MYH8: variants seen among roughly 807,000 people sequenced by gnomAD.
The protein encoded by MYH8 is myosin-8.
MYH8 carries 168 observed loss-of-function variants against 233.2 expected under a neutral mutation model. That is an observed-to-expected ratio of 0.72 (90% CI 0.64 to 0.82). The LOEUF is 0.82. Ranked by LOEUF, MYH8 falls within the 40% of genes least tolerant of loss-of-function variation. MYH8 has a pLI of 0.00. For missense variants in MYH8, 1,995 were observed against 2,327.8 expected, an observed-to-expected ratio of 0.86 and a Z score of 2.94; for synonymous variants, 785 against 850.6, an observed-to-expected ratio of 0.92 and a Z score of 1.34.
chr17:10,396,361 C>T lies in MYH8; in HGVS notation c.4622G>A (p.Cys1541Tyr). The T allele has an allele frequency of 1.2e-6, 2 of 1,614,078 alleles. No individual in the cohort carries two copies. Among genetic ancestry groups the T allele is most frequent in the Non-Finnish European group, 1.7e-6 (2 of 1,180,008 alleles). The change falls in exon 33 of 40, where the codon TGT (cysteine) becomes TAT (tyrosine). Residue 1541 changes from cysteine (C) to tyrosine (Y), a missense_variant. Physicochemically the swap from Cys to Tyr is radical, Grantham distance 194. Coordinates refer to ENST00000403437, the MANE Select transcript of MYH8 (RefSeq NM_002472.3). This position sits in a 1 kb window ranked among gnomAD's most constrained non-coding sequence, Gnocchi z 4.2. ...KIKKQVEQEK[C>Y]EIQAALEEAE... ...TTCCTCTAAAGCAGCCTGAATTTCA[C>T]ATTTCTCTTGTTCTACTTGCTTCTT...
In MYH8 at chr17:10,392,444, G is replaced by T. The variant is rs550066646; in HGVS notation, c.5568+98C>A. ...CTCCTTACATGTACCAAGTTAATGCGTATTTGTTTGTGAGTGGCATATAAA... is the reference window on the plus strand; with the variant it reads ...CTCCTTACATGTACCAAGTTAATGCTTATTTGTTTGTGAGTGGCATATAAA... On this transcript the variant is annotated intron_variant, in intron 38 of 39. Transcript: ENST00000403437. The T allele has an allele frequency of 7.4e-6, 8 of 1,079,418 alleles. 1 individual carries two copies. The South Asian group carries it at 8.8e-5, about 12-fold the overall frequency. The allele number at this position is 1,079,418 out of a possible 1,614,324, so 66.9% of individuals were successfully genotyped here.
chr17:10,412,550 T>C, intron 13 of MYH8, 31 bp from the exon 14 acceptor site: 1 of 1,614,220 alleles, frequency 6.2e-7, no homozygotes, highest in Non-Finnish European at 8.5e-7. Context: ...TTGTTGGTAT[T>C]GTTAAAGACA....
rs35512526 is a variant in MYH8 at position 10,393,991 on chromosome 17, C to CTTTTTTTTTTTTT, written c.5166+245_5166+257dup. On this transcript the variant is annotated intron_variant, in intron 35 of 39. Transcript: ENST00000403437. ...TTATTTTTAAATAAAAAAGTAATAGCTTTTTTTTTTTTTTTTTTTTTTTTT... is the reference window on the plus strand; with the variant it reads ...TTATTTTTAAATAAAAAAGTAATAGCTTTTTTTTTTTTTTTTTTTTTTTTTTTTTTTTTTTTTT... Among the ~76,000 whole-genome samples, 6 of 36,002 alleles carry CTTTTTTTTTTTTT rather than the reference C, an allele frequency of 1.7e-4. 2 individuals are homozygous for CTTTTTTTTTTTTT. The highest frequency in any genetic ancestry group is 7.5e-4 in the African/African-American group (6 of 8,014). 23.6% of individuals were successfully genotyped at this position (36,002 alleles called of 152,430 possible). A position where few individuals can be genotyped will look rare whatever the true frequency, so the allele number is the denominator to read the frequency against.
intron 14 of MYH8, among the ~76,000 whole-genome samples, chr17:10,411,951 TC>T (rs2072247607): frequency 6.6e-6 from 1 of 152,210 alleles, no homozygotes; most frequent in African/African-American, 2.4e-5. Context: ...TCTCTAGGCT[TC>T]TACCTTTGGG....
At chr17:10,410,002 T>A (rs1405882714) in intron 15 of MYH8, among the ~76,000 whole-genome samples, 2 of 152,196 alleles carry the variant, frequency 1.3e-5, no homozygotes, top group Non-Finnish European at 2.9e-5. Flanking sequence ...GGGTATTTAA[T>A]TTCTTTAAAA....
intron 33 of MYH8, among the ~76,000 whole-genome samples, chr17:10,395,978 A>G (rs954404690): frequency 6.6e-6 from 1 of 152,270 alleles, no homozygotes; most frequent in African/African-American, 2.4e-5. Context: ...TATATTGTAT[A>G]TGCAAATTTG....
At chr17:10,406,863 G>A (rs377238561) in intron 18 of MYH8, 29 bp downstream of exon 18, 77 of 1,612,224 alleles carry the variant, frequency 4.8e-5, no homozygotes, top group East Asian at 6.7e-5. Context: ...ACCTGTGCCC[G>A]TTTGATTATT....
chr17:10,410,734 A>G, intron 15 of MYH8, 43 bp downstream of exon 15: 1 of 1,613,880 alleles, frequency 6.2e-7, no homozygotes, highest in East Asian at 2.2e-5. Context: ...GATTTCTGGA[A>G]AGTGATCCTC....
At position 10,415,708 on chromosome 17, in the gene MYH8, T is replaced by C; in HGVS notation, c.512A>G (p.Asp171Gly). ...GATCAGGATGGACTGATTCTCTCGA[T>C]CTGTGAAAGAATTCAAAATCATCCG... The part of the protein sequence containing the change: ...SDNAYQFMLT[D>G]RENQSILITG... The change falls in exon 6 of 40, where the codon GAT (aspartate) becomes GGT (glycine). Residue 171 changes from aspartate (D) to glycine (G), a missense_variant and splice_region_variant. Physicochemically the swap from Asp to Gly is moderately conservative, Grantham distance 94 (BLOSUM62 -1). This residue lies in a region of MYH8 where 479 missense variants were observed against 600.9 expected (regional missense o/e 0.80). Transcript: ENST00000403437. This position sits in a 1 kb window ranked among gnomAD's most constrained non-coding sequence, Gnocchi z 4.1. 6.2e-7 allele frequency: 1 copy of C among 1,613,608 alleles called. No individual in the cohort carries two copies. The highest frequency in any genetic ancestry group is 8.5e-7 in the Non-Finnish European group (1 of 1,179,656).
chr17:10,418,501 A>C, intron 5 of MYH8, 144 bp downstream of exon 5: 47 of 1,373,916 alleles, frequency 3.4e-5, no homozygotes, highest in Non-Finnish European at 4.1e-5. Context: ...ATAAGATGTC[A>C]CAGCTGTGAA....
At position 10,409,438 on chromosome 17, in the gene MYH8, A is replaced by G; in HGVS notation, c.1738T>C (p.Phe580Leu). 2.5e-6 allele frequency: 4 copies of G among 1,614,210 alleles called. No individual in the cohort carries two copies. Among genetic ancestry groups the G allele is most frequent in the Non-Finnish European group, 3.4e-6 (4 of 1,180,042 alleles). The change falls in exon 16 of 40, where the codon TTC becomes CTC. Residue 580 changes from phenylalanine (F) to leucine (L), a missense_variant. Phe to Leu is a conservative substitution (Grantham distance 22). Around this residue, in one of 3 missense-constraint regions of MYH8, gnomAD observed 1,498 missense variants for 1,680.9 expected, o/e 0.89. Coordinates refer to ENST00000403437, the MANE Select transcript of MYH8 (RefSeq NM_002472.3). ...GTGCCAGCATAGTGAATCAGAGAGA[A>G]GTGGGCCTCAGCCTTGCCTTTGACC... ...KVVKGKAEAHFSLIHYAGTVD... is the reference protein window; with the variant it reads ...KVVKGKAEAHLSLIHYAGTVD...
chr17:10,411,700 A>G (rs1215388165), intron 14 of MYH8, among the ~76,000 whole-genome samples: 1 of 152,170 alleles, frequency 6.6e-6, no homozygotes, highest in East Asian at 1.9e-4. Flanking sequence ...CTTTAATATA[A>G]AGGTCTTGGT....
chr17:10,415,400 C>T lies in MYH8; in HGVS notation c.649-16G>A. On this transcript the variant is annotated splice_polypyrimidine_tract_variant and intron_variant, in intron 7 of 39. Transcript: ENST00000403437. The surrounding 1 kb of genome is among the most constrained non-coding windows in gnomAD (Gnocchi z 4.1). ...CCAGAGTCCCCTGCAAAGGAAGGAG[C>T]AGTTCTCACATCTGGGACTCCAGAT... 1 of 1,613,842 alleles carries T rather than the reference C, an allele frequency of 6.2e-7. No homozygotes were observed.
intron 27 of MYH8, 151 bp from the exon 28 acceptor site, chr17:10,399,820 G>T (rs956344335): frequency 2.7e-6 from 3 of 1,120,680 alleles, no homozygotes; most frequent in South Asian, 2.7e-5. Context: ...AAGAATTTAG[G>T]CATGGCGAGT....
In MYH8 at chr17:10,400,506, C is replaced by A; in HGVS notation, c.3619G>T (p.Gly1207Trp). 6.2e-7 allele frequency: 1 copy of A among 1,614,214 alleles called. No individual in the cohort carries two copies. The highest frequency in any genetic ancestry group is 8.5e-7 in the Non-Finnish European group (1 of 1,180,038). The change falls in exon 27 of 40, where the codon GGG becomes TGG. Residue 1207 changes from glycine to tryptophan, a missense_variant. Physicochemically the swap from Gly to Trp is radical, Grantham distance 184. Around this residue, in one of 3 missense-constraint regions of MYH8, gnomAD observed 1,498 missense variants for 1,680.9 expected, o/e 0.89. Coordinates refer to ENST00000403437, the MANE Select transcript of MYH8 (RefSeq NM_002472.3). The surrounding 1 kb of genome is among the most constrained non-coding windows in gnomAD (Gnocchi z 4.0). ...CGCTGCAAGTTGTCAATCTGCTCCC[C>A]AAGCTCAGCCATACTGTCTGCGTGC... is the stretch of plus-strand genomic sequence containing the variant. ...KKHADSMAELGEQIDNLQRVK... is the reference protein window; with the variant it reads ...KKHADSMAELWEQIDNLQRVK...
chr17:10,396,609 T>C lies in MYH8; in HGVS notation c.4472A>G (p.Tyr1491Cys), dbSNP rs376996294. The C allele has an allele frequency of 1.2e-6, 2 of 1,614,218 alleles. No homozygotes were observed. The highest frequency in any genetic ancestry group is 1.7e-5 in the Admixed American group (1 of 60,024). Residue 1491 changes from tyrosine (Y) to cysteine (C), a missense_variant, in exon 32 of 40, where the codon TAT (tyrosine) becomes TGT (cysteine). By Grantham distance (194) the Tyr-to-Cys change is radical. Transcript: ENST00000403437. This position sits in a 1 kb window ranked among gnomAD's most constrained non-coding sequence, Gnocchi z 4.2. ...TTCGAGTTGATCCAGGGATTCCTCA[T>C]AGACATTCTTCACCTTGAACAGCTC... ...STELFKVKNV[Y>C]EESLDQLETL...
chr17:10,400,869 C>G lies in MYH8; in HGVS notation c.3345G>C (p.Gln1115His). ...AAAAAATAGAGGTGAGATGACTCAC[C>G]TGCAACTCTTTGATCTTCTTCTGTA... ...IQLQKKIKELQARIEELGEEI... is the reference protein window; with the variant it reads ...IQLQKKIKELHARIEELGEEI... Residue 1115 changes from glutamine to histidine, a missense_variant and splice_region_variant, in exon 26 of 40, where the codon CAG becomes CAC. Gln to His is a conservative substitution (Grantham distance 24). This residue lies in a region of MYH8 where 1,498 missense variants were observed against 1,680.9 expected (regional missense o/e 0.89). Transcript: ENST00000403437. This position sits in a 1 kb window ranked among gnomAD's most constrained non-coding sequence, Gnocchi z 4.0. 3.7e-6 allele frequency: 6 copies of G among 1,613,824 alleles called. No individual in the cohort carries two copies. The highest frequency in any genetic ancestry group is 5.1e-6 in the Non-Finnish European group (6 of 1,180,010).
At chr17:10,413,823 A>G in intron 12 of MYH8, 79 bp downstream of exon 12, 2 of 1,606,914 alleles carry the variant, frequency 1.2e-6, no homozygotes. Context: ...TCCAGCCACA[A>G]AGGAGATGTG....
At chr17:10,414,097 A>G in intron 11 of MYH8, 57 bp from the exon 12 acceptor site, 1 of 1,611,652 alleles carries the variant, frequency 6.2e-7, no homozygotes, top group South Asian at 1.1e-5. Context: ...CTTATAAGAG[A>G]ATTTATACAT....
Sources: allele counts gnomAD v4.1 joint callset (sites outside exome capture counted in the v4.1 genomes callset), GRCh38; gene constraint gnomAD v4.1.1; regional missense constraint gnomAD v4.1.1; non-coding constraint Gnocchi (gnomAD v3.1); transcripts MANE v1.5; gene names NCBI Gene and HGNC (gene_info 2026-07-23, HGNC 2026-07-21).